The following TRIM9 variants were observed in gnomAD, a reference collection of about 807,000 sequenced individuals.
TRIM9 encodes tripartite motif containing 9.
In TRIM9, 26 loss-of-function variants were observed where a neutral mutation model predicts 78.3. That is an observed-to-expected ratio of 0.33 (90% confidence interval 0.24 to 0.46). The LOEUF is 0.46. Ranked by LOEUF, TRIM9 falls within the 20% of genes least tolerant of loss-of-function variation. The probability of loss-of-function intolerance (pLI) is 1.00; values close to 1 mark genes in which losing one functional copy is unlikely to be tolerated. For missense variants in TRIM9, 787 were observed against 1,036.4 expected (o/e 0.76, Z 3.30); for synonymous variants, 398 against 416.5 (o/e 0.96, Z 0.54).
chr14:51,012,038 A>G (rs1244572332), intron 3 of TRIM9, among the ~76,000 whole-genome samples: 1 of 152,052 alleles, frequency 6.6e-6, no homozygotes, highest in Non-Finnish European at 1.5e-5. Context: ...ATTATTTCTG[A>G]TTTTTTTGTT....
intron 2 of TRIM9, 109 bp from the exon 3 acceptor site, chr14:51,023,066 A>C (rs2057907698): frequency 7.1e-7 from 1 of 1,406,594 alleles, no homozygotes; most frequent in Non-Finnish European, 9.7e-7. Flanking sequence ...AACTCTGTCC[A>C]CAATGCACAT....
At chr14:51,076,589 T>C (rs1164035829) in intron 1 of TRIM9, among the ~76,000 whole-genome samples, 2 of 152,236 alleles carry the variant, frequency 1.3e-5, no homozygotes, top group African/African-American at 2.4e-5. Context: ...CCAGTCCTCA[T>C]CACCACCCTG....
Position 51,000,219 on chromosome 14 carries a change from G to A in TRIM9, c.1464+464C>T, listed in dbSNP as rs112882292. Among the ~76,000 whole-genome samples the A allele has an allele frequency of 2.6e-4, 40 of 152,324 alleles. 1 individual carries two copies. The South Asian group carries it at 7.7e-3, about 29-fold the overall frequency. The stretch of plus-strand genomic sequence containing the variant: ...CGGTTAATTATATTATTAGCAATAA[G>A]CAATGATGGTAATAATAATAACTAA... On this transcript the variant is annotated intron_variant, in intron 6 of 12. Coordinates refer to ENST00000684578, the MANE Select transcript of TRIM9 (RefSeq NM_001387360.1).
chr14:50,991,905 G>A (rs1302132737), intron 7 of TRIM9, among the ~76,000 whole-genome samples: 1 of 152,104 alleles, frequency 6.6e-6, no homozygotes, highest in Non-Finnish European at 1.5e-5. Flanking sequence ...TAAAATTTTG[G>A]GGTGACAAGA....
At chr14:51,023,291 G>A (rs1390134478) in intron 2 of TRIM9, among the ~76,000 whole-genome samples, 1 of 152,138 alleles carries the variant, frequency 6.6e-6, no homozygotes, top group Non-Finnish European at 1.5e-5. Context: ...TATGTATGGT[G>A]GAAGCTGGCA....
intron 1 of TRIM9, among the ~76,000 whole-genome samples, chr14:51,034,113 T>G (rs1224842713): frequency 2.0e-5 from 3 of 152,146 alleles, no homozygotes; most frequent in Admixed American, 1.3e-4. Context: ...ACTTTTCACT[T>G]CCTCTTCAAC....
At chr14:51,004,642 A>C (rs767051464) in intron 5 of TRIM9, among the ~76,000 whole-genome samples, 1 of 152,202 alleles carries the variant, frequency 6.6e-6, no homozygotes, top group Non-Finnish European at 1.5e-5. Flanking sequence ...GTATTCACTC[A>C]TTTAATTTTC....
intron 1 of TRIM9, among the ~76,000 whole-genome samples, chr14:51,059,488 A>C (rs1247016187): frequency 6.6e-6 from 1 of 151,934 alleles, no homozygotes; most frequent in African/African-American, 2.4e-5. Flanking sequence ...GAAAAAACAA[A>C]ACAAAACAAA....
chr14:51,093,449 C>T (rs1359869591), intron 1 of TRIM9, among the ~76,000 whole-genome samples: 1 of 152,232 alleles, frequency 6.6e-6, no homozygotes, highest in East Asian at 1.9e-4. Context: ...GTCCCAACTC[C>T]GGAAGGGTTC....
At chr14:51,011,157 G>T (rs1200095662) in intron 3 of TRIM9, among the ~76,000 whole-genome samples, 1 of 152,216 alleles carries the variant, frequency 6.6e-6, no homozygotes, top group South Asian at 2.1e-4. Context: ...CTCATTTGGA[G>T]AGCAGTTGTA....
chr14:51,013,140 A>G (rs1332120539), intron 3 of TRIM9, among the ~76,000 whole-genome samples: 1 of 151,874 alleles, frequency 6.6e-6, no homozygotes, highest in Non-Finnish European at 1.5e-5. Context: ...CTCTCCCAGG[A>G]GTTTATAGTT....
chr14:51,044,067 C>CA (rs2059763252), intron 1 of TRIM9, among the ~76,000 whole-genome samples: 1 of 152,082 alleles, frequency 6.6e-6, no homozygotes. Flanking sequence ...AATTTTTAAA[C>CA]AATTTTTAAT....
At chr14:51,009,789 G>C (rs1286148089) in intron 4 of TRIM9, among the ~76,000 whole-genome samples, 1 of 152,016 alleles carries the variant, frequency 6.6e-6, no homozygotes, top group African/African-American at 2.4e-5. Context: ...CAGTTTAGTA[G>C]AGTGTGACTT....
intron 1 of TRIM9, among the ~76,000 whole-genome samples, chr14:51,053,052 C>A (rs1482419626): frequency 6.6e-6 from 1 of 151,560 alleles, no homozygotes; most frequent in Non-Finnish European, 1.5e-5. Context: ...CCTAGCTACT[C>A]CAGAGGCTGA....
intron 12 of TRIM9, among the ~76,000 whole-genome samples, chr14:50,978,346 A>G (rs905423119): frequency 2.0e-5 from 3 of 152,118 alleles, no homozygotes; most frequent in Non-Finnish European, 4.4e-5. Context: ...TCAGGAGGGA[A>G]GTGAAACCCT....
chr14:51,011,609 G>T (rs2056589839), intron 3 of TRIM9, among the ~76,000 whole-genome samples: 1 of 152,140 alleles, frequency 6.6e-6, no homozygotes, highest in African/African-American at 2.4e-5. Context: ...ATGGATAATA[G>T]CCAAAAGAGA....
chr14:51,024,026 T>G (rs2058003730), intron 2 of TRIM9, among the ~76,000 whole-genome samples: 1 of 152,260 alleles, frequency 6.6e-6, no homozygotes, highest in Non-Finnish European at 1.5e-5. Context: ...GCATTAGTAA[T>G]TGCTTGAGCA....
chr14:50,999,716 A>C (rs576577961), intron 6 of TRIM9, among the ~76,000 whole-genome samples: 2 of 152,254 alleles, frequency 1.3e-5, no homozygotes, highest in South Asian at 4.2e-4. Flanking sequence ...TCTCCTCTTC[A>C]TCAGTGCAGG....
intron 8 of TRIM9, among the ~76,000 whole-genome samples, chr14:50,984,493 T>C (rs966197099): frequency 2.6e-5 from 4 of 152,230 alleles, no homozygotes; most frequent in African/African-American, 4.8e-5. Flanking sequence ...GATTTTTATG[T>C]TTTGTTTCTA....
Sources: gnomAD v4.1 joint callset for allele counts (sites outside exome capture counted in the v4.1 genomes callset) on GRCh38, gnomAD v4.1.1 for gene constraint, MANE v1.5 for transcripts, NCBI Gene and HGNC (gene_info 2026-07-23, HGNC 2026-07-21) for gene names.